Variants in PLB1 observed in about 807,000 individuals in gnomAD.
PLB1 encodes the protein phospholipase B1, membrane-associated.
In PLB1, 242 loss-of-function variants were observed where a neutral mutation model predicts 227.4. The observed-to-expected ratio is 1.06, with a 90% CI of 0.96 to 1.18. The LOEUF is 1.18. PLB1 is among the 50% of genes most tolerant of loss of function. The pLI, the probability that PLB1 is intolerant of heterozygous loss-of-function variation, is 0.00. For synonymous variants in PLB1, 757 were observed against 682.2 expected (o/e 1.11, Z -1.71); for missense variants, 1,858 against 1,816.3 (o/e 1.02, Z -0.42).
chr2:28,581,390 A>G (rs1381251170), intron 23 of PLB1, among the ~76,000 whole-genome samples: 1 of 135,384 alleles, frequency 7.4e-6, no homozygotes, highest in Non-Finnish European at 1.6e-5. Context: ...TCTTAGAGTC[A>G]TCTGCTCGGA....
At chr2:28,509,666 GT>G (rs920370631) in intron 1 of PLB1, among the ~76,000 whole-genome samples, 1 of 152,054 alleles carries the variant, frequency 6.6e-6, no homozygotes, top group Non-Finnish European at 1.5e-5. Context: ...AAAAGTGCTT[GT>G]TTTTTTCCCC....
chr2:28,600,684 C>A, intron 35 of PLB1, 125 bp from the exon 36 acceptor site: 2 of 835,306 alleles, frequency 2.4e-6, no homozygotes, highest in South Asian at 3.1e-5. Flanking sequence ...GGTTTCTGAG[C>A]CTCGGGATCT....
intron 16 of PLB1, 60 bp downstream of exon 16, chr2:28,550,144 G>T: frequency 7.5e-7 from 1 of 1,334,782 alleles, no homozygotes; most frequent in Non-Finnish European, 1.0e-6. Context: ...TGTACTTCTT[G>T]CTGAATCTTT....
chr2:28,615,746 G>A (rs1686110313), intron 44 of PLB1, among the ~76,000 whole-genome samples: 1 of 152,216 alleles, frequency 6.6e-6, no homozygotes. Context: ...TGCACTAAGT[G>A]CTCGGTAGAC....
intron 6 of PLB1, 138 bp downstream of exon 6, chr2:28,526,083 G>T: frequency 1.0e-6 from 1 of 973,868 alleles, no homozygotes; most frequent in Admixed American, 2.3e-5. Context: ...GGTGTTCTGA[G>T]AGGACAGATC....
Position 28,579,779 on chromosome 2 carries a change from C to G in PLB1, c.1566+72C>G. ...TTTCACAGCCCGGTCACTTGCTCTG[C>G]CCGGGAGGAGTACAGCTAAGTTGGG... is the stretch of plus-strand genomic sequence containing the variant. On this transcript the variant is annotated intron_variant, in intron 23 of 57. Transcript: ENST00000327757. 7.6e-6 allele frequency: 10 copies of G among 1,312,814 alleles called. No homozygotes were observed. In the South Asian group the frequency reaches 1.2e-4, roughly 16 times the overall value. 81.3% of individuals were successfully genotyped at this position (1,312,814 alleles called of 1,614,324 possible). A position where few individuals can be genotyped will look rare whatever the true frequency, so the allele number is the denominator to read the frequency against.
chr2:28,507,953 G>A (rs1261719936), intron 1 of PLB1, among the ~76,000 whole-genome samples: 1 of 152,194 alleles, frequency 6.6e-6, no homozygotes, highest in Non-Finnish European at 1.5e-5. Context: ...CAAAGGTTGT[G>A]ACATTGTTGA....
intron 1 of PLB1, among the ~76,000 whole-genome samples, chr2:28,501,683 G>T (rs1667118812): frequency 1.3e-5 from 2 of 151,924 alleles, no homozygotes; most frequent in Non-Finnish European, 2.9e-5. Context: ...TTCTTTTTGA[G>T]AAAATATATT....
rs777186314 is a variant in PLB1, at chr2:28,606,542, A to G, written c.3104A>G (p.Glu1035Gly). 6.2e-7 allele frequency: 1 copy of G among 1,614,118 alleles called. No individual in the cohort carries two copies. The highest frequency in any genetic ancestry group is 8.5e-7 in the Non-Finnish European group (1 of 1,180,046). Residue 1035 changes from glutamate (E) to glycine (G), a missense_variant, in exon 43 of 58, where the codon GAG (glutamate) becomes GGG (glycine). Glu to Gly is a moderately conservative substitution (Grantham distance 98). Coordinates refer to ENST00000327757, the MANE Select transcript of PLB1 (RefSeq NM_153021.5). ...ACAGAGACCCTGGACCTGAGAGCAG[A>G]GATGCCCATCACCTGTCCCACTCAG... ...SKTETLDLRAEMPITCPTQNE... is the reference protein window; with the variant it reads ...SKTETLDLRAGMPITCPTQNE...
intron 37 of PLB1, 91 bp downstream of exon 37, chr2:28,601,423 A>G (rs1683866893): frequency 9.7e-7 from 1 of 1,028,988 alleles, no homozygotes; most frequent in Non-Finnish European, 1.5e-6. Context: ...CCTAAAACCA[A>G]TCCTAGGATT....
chr2:28,563,513 G>A (rs1676374044), intron 18 of PLB1, among the ~76,000 whole-genome samples: 1 of 151,664 alleles, frequency 6.6e-6, no homozygotes, highest in Non-Finnish European at 1.5e-5. Context: ...GCTAAGGGAA[G>A]GTACCAGGAA....
chr2:28,562,971 T>A, intron 17 of PLB1, 70 bp from the exon 18 acceptor site: 1 of 1,405,912 alleles, frequency 7.1e-7, no homozygotes, highest in African/African-American at 1.4e-5. Context: ...TGTTCCTTTG[T>A]TTCAGAGTAG....
intron 21 of PLB1, among the ~76,000 whole-genome samples, chr2:28,576,786 A>G (rs1679031660): frequency 6.6e-6 from 1 of 152,226 alleles, no homozygotes; most frequent in Non-Finnish European, 1.5e-5. Flanking sequence ...TTCCATCGAC[A>G]GAGCAGCTGC....
At chr2:28,602,770 C>A (rs370673549) in intron 38 of PLB1, 51 bp from the exon 39 acceptor site, 1 of 1,530,722 alleles carries the variant, frequency 6.5e-7, no homozygotes, top group Non-Finnish European at 9.0e-7. Flanking sequence ...CTGAGACAGC[C>A]CCAGGAAGAA....
At chr2:28,611,386 C>T (rs1323242785) in intron 43 of PLB1, among the ~76,000 whole-genome samples, 1 of 152,192 alleles carries the variant, frequency 6.6e-6, no homozygotes, top group African/African-American at 2.4e-5. Flanking sequence ...AGGACTGACT[C>T]CAGCCCCTGG....
intron 21 of PLB1, among the ~76,000 whole-genome samples, chr2:28,573,657 C>A (rs1469152986): frequency 6.6e-6 from 1 of 152,254 alleles, no homozygotes; most frequent in Non-Finnish European, 1.5e-5. Flanking sequence ...GCTCTCCCTC[C>A]CTTCCTCAGC....
At chr2:28,628,290 A>ACCCAGCACTGGCAGAGTC (rs1688091245) in intron 51 of PLB1, among the ~76,000 whole-genome samples, 1 of 152,100 alleles carries the variant, frequency 6.6e-6, no homozygotes, top group Non-Finnish European at 1.5e-5. Context: ...AAGTGGCAGG[A>ACCCAGCACTGGCAGAGTC]CCCAGCACTG....
intron 1 of PLB1, among the ~76,000 whole-genome samples, chr2:28,507,008 T>G: frequency 6.6e-6 from 1 of 152,290 alleles, no homozygotes; most frequent in East Asian, 1.9e-4. Context: ...CCCTTCTTGT[T>G]GGGGCTTACT....
chr2:28,570,743 G>A (rs1263210134), intron 20 of PLB1, among the ~76,000 whole-genome samples: 1 of 152,140 alleles, frequency 6.6e-6, no homozygotes, highest in East Asian at 1.9e-4. Flanking sequence ...CTGATATTGC[G>A]CCACTTCACT....
Sources: allele counts gnomAD v4.1 joint callset (sites outside exome capture counted in the v4.1 genomes callset), GRCh38; gene constraint gnomAD v4.1.1; transcripts MANE v1.5; gene names NCBI Gene and HGNC (gene_info 2026-07-23, HGNC 2026-07-21).